Variants in RFFL observed in about 807,000 individuals in gnomAD.
The protein encoded by RFFL is ring finger and FYVE like domain containing E3 ubiquitin protein ligase, also known as E3 ubiquitin-protein ligase rififylin.
In RFFL, 16 loss-of-function variants were observed where a neutral mutation model predicts 40.4. The ratio of observed to expected loss-of-function variants is 0.40; its 90% confidence interval spans 0.27 to 0.60. The LOEUF (loss-of-function observed/expected upper bound fraction) is 0.60. Among genes scored for constraint, RFFL ranks in the 20% least tolerant of loss-of-function variants. The probability of loss-of-function intolerance (pLI) is 0.47; values close to 1 mark genes in which losing one functional copy is unlikely to be tolerated. For missense variants in RFFL, 367 were observed against 451.7 expected (o/e 0.81, Z 1.70); for synonymous variants, 154 against 167.9 (o/e 0.92, Z 0.64).
intron 1 of RFFL, among the ~76,000 whole-genome samples, chr17:35,039,421 T>C (rs969971070): frequency 6.6e-6 from 1 of 151,930 alleles, no homozygotes; most frequent in African/African-American, 2.4e-5. Context: ...CGTTTCACCA[T>C]GTTGGGCAGG....
rs186128106 is a variant in RFFL, at chr17:35,034,600, C to T, written c.-8-8039G>A. Among the ~76,000 whole-genome samples, 750 of 151,872 alleles carry T rather than the reference C, an allele frequency of 4.9e-3. 10 individuals are homozygous for T. The highest frequency in any genetic ancestry group is 0.017 in the African/African-American group (709 of 41,408). On this transcript the variant is annotated intron_variant, in intron 1 of 6. Transcript: ENST00000394597. ...CTGGAGTACAATGGCGCGATCTTGGCTCACTGCAACCGCCACCTCCCATGT... is the reference window on the plus strand; with the variant it reads ...CTGGAGTACAATGGCGCGATCTTGGTTCACTGCAACCGCCACCTCCCATGT...
At chr17:35,064,795 G>C (rs2091312049), upstream of RFFL, among the ~76,000 whole-genome samples, 1 of 152,150 alleles carries the variant, frequency 6.6e-6, no homozygotes. Context: ...ATTCAATAAT[G>C]TTAGGTTAAT....
At chr17:35,044,562 C>T (rs1054427371) in intron 1 of RFFL, among the ~76,000 whole-genome samples, 4 of 152,072 alleles carry the variant, frequency 2.6e-5, no homozygotes, top group Non-Finnish European at 5.9e-5. Context: ...TGCAGTGACT[C>T]GACACTGCAC....
rs2090935411 is a variant in RFFL, at chr17:35,011,132, C to G, written c.*836G>C. 6.6e-6 allele frequency: 1 copy of G among 152,236 alleles called. No homozygotes were observed. The highest frequency in any genetic ancestry group is 1.5e-5 in the Non-Finnish European group (1 of 68,054). The allele number at this position is 152,236 out of a possible 1,614,324, so 9.4% of individuals were successfully genotyped here. On this transcript the variant is annotated 3_prime_UTR_variant, in exon 7 of 7. Transcript: ENST00000394597. ...AAAATTAAGGAGAAGGCCACTGCCT[C>G]CACCCATTGCTTCCCCTTTCCGCAT...
chr17:35,009,279 A>G lies in RFFL; in HGVS notation c.*2689T>C, dbSNP rs1333645571. On this transcript the variant is annotated 3_prime_UTR_variant, in exon 7 of 7. Coordinates refer to ENST00000394597, the MANE Select transcript of RFFL (RefSeq NM_001017368.2). ...AGATTTCCACAAATTTATACAATGT[A>G]TATTGAGCACTAGTTCCTGTACAGC... is the stretch of plus-strand genomic sequence containing the variant. The G allele has an allele frequency of 2.0e-5, 3 of 152,524 alleles. No homozygotes were observed. The highest frequency in any genetic ancestry group is 2.9e-5 in the Non-Finnish European group (2 of 68,034). The allele number at this position is 152,524 out of a possible 1,614,324, so 9.4% of individuals were successfully genotyped here.
chr17:35,059,657 C>T (rs973998522), intron 1 of RFFL, among the ~76,000 whole-genome samples: 1 of 152,158 alleles, frequency 6.6e-6, no homozygotes, highest in Non-Finnish European at 1.5e-5. Context: ...AATTCTTTCT[C>T]GTATTCATCA....
chr17:35,078,276 A>G (rs2091387062), intron 1 of RFFL, among the ~76,000 whole-genome samples: 1 of 152,200 alleles, frequency 6.6e-6, no homozygotes, highest in Admixed American at 6.5e-5. Context: ...ATTTGTATGT[A>G]ATCTCCAATA....
chr17:35,032,242 C>T (rs957071179), intron 1 of RFFL, among the ~76,000 whole-genome samples: 1 of 151,964 alleles, frequency 6.6e-6, no homozygotes, highest in Admixed American at 6.6e-5. Context: ...GGATCCTATA[C>T]GTAATGGGAC....
At chr17:35,047,962 G>C (rs2091209766) in intron 1 of RFFL, among the ~76,000 whole-genome samples, 1 of 151,688 alleles carries the variant, frequency 6.6e-6, no homozygotes, top group South Asian at 2.1e-4. Context: ...ACGTTGGCCA[G>C]GCTGGTCTCG....
At chr17:35,065,411 C>A (rs978198403), upstream of RFFL, among the ~76,000 whole-genome samples, 3 of 152,014 alleles carry the variant, frequency 2.0e-5, no homozygotes, top group Non-Finnish European at 4.4e-5. Flanking sequence ...ACAAAATTAG[C>A]CAGGTGTGGT....
At chr17:35,013,552 C>T (rs2090953781) in intron 6 of RFFL, among the ~76,000 whole-genome samples, 1 of 152,160 alleles carries the variant, frequency 6.6e-6, no homozygotes, top group South Asian at 2.1e-4. Context: ...TGCATCTATA[C>T]TTTCTCTTTT....
rs549247224 is a variant in RFFL, at chr17:35,017,442, C to G, written c.675+81G>C. 4.5e-5 allele frequency: 39 copies of G among 868,862 alleles called. No homozygotes were observed. In the African/African-American group the frequency reaches 6.0e-4, roughly 13 times the overall value. 53.8% of individuals were successfully genotyped at this position (868,862 alleles called of 1,614,324 possible). A position where few individuals can be genotyped will look rare whatever the true frequency, so the allele number is the denominator to read the frequency against. On this transcript the variant is annotated intron_variant, in intron 4 of 6. Coordinates refer to ENST00000394597, the MANE Select transcript of RFFL (RefSeq NM_001017368.2). The stretch of plus-strand genomic sequence containing the variant: ...CTATCATCACACATTTATTCTCTCT[C>G]CACTCGACTCTGCTAAGAGGTTCCG...
intron 1 of RFFL, among the ~76,000 whole-genome samples, chr17:35,054,171 A>T (rs1206353856): frequency 6.6e-6 from 1 of 152,166 alleles, no homozygotes; most frequent in Non-Finnish European, 1.5e-5. Flanking sequence ...CCTTCAATCA[A>T]GCACTATAGT....
chr17:35,022,333 G>A (rs766329738), intron 2 of RFFL, among the ~76,000 whole-genome samples: 2 of 152,156 alleles, frequency 1.3e-5, no homozygotes, highest in African/African-American at 2.4e-5. Context: ...ATTACCTAAC[G>A]GTGACAGCCA....
At chr17:35,072,508 T>A (rs2091355765) in intron 1 of RFFL, among the ~76,000 whole-genome samples, 1 of 151,974 alleles carries the variant, frequency 6.6e-6, no homozygotes, top group African/African-American at 2.4e-5. Context: ...ACAAGGGGGA[T>A]CTTTGTGGTG....
intron 3 of RFFL, 129 bp from the exon 4 acceptor site, chr17:35,017,735 A>G: frequency 1.5e-6 from 1 of 659,228 alleles, no homozygotes; most frequent in South Asian, 1.6e-5. Context: ...AGCCTCTTAC[A>G]GCATCATTAC....
intron 1 of RFFL, among the ~76,000 whole-genome samples, chr17:35,049,131 C>G (rs1449739391): frequency 6.6e-6 from 1 of 152,100 alleles, no homozygotes; most frequent in Non-Finnish European, 1.5e-5. Context: ...TGATAAGAGT[C>G]AAGAAAAAAG....
intron 1 of RFFL, among the ~76,000 whole-genome samples, chr17:35,037,432 T>C (rs2091130986): frequency 6.6e-6 from 1 of 152,232 alleles, no homozygotes; most frequent in Admixed American, 6.5e-5. Flanking sequence ...GGAAATTCTG[T>C]GAAAAGTCTA....
intron 1 of RFFL, among the ~76,000 whole-genome samples, chr17:35,043,871 T>C (rs1292851474): frequency 1.3e-5 from 2 of 152,180 alleles, no homozygotes; most frequent in East Asian, 3.8e-4. Flanking sequence ...GTATAATACA[T>C]AGAAAAACCA....
Sources: gnomAD v4.1 joint callset for allele counts (sites outside exome capture counted in the v4.1 genomes callset) on GRCh38, gnomAD v4.1.1 for gene constraint, MANE v1.5 for transcripts, NCBI Gene and HGNC (gene_info 2026-07-23, HGNC 2026-07-21) for gene names.